NELL1: variants seen among roughly 807,000 people sequenced by gnomAD.
NELL1 encodes neural EGFL like 1, also known as protein kinase C-binding protein NELL1.
NELL1 carries 76 observed loss-of-function variants against 107.4 expected under a neutral mutation model. The observed-to-expected ratio is 0.71, with a 90% CI of 0.59 to 0.86. The LOEUF is 0.86. Among genes scored for constraint, NELL1 ranks in the 40% least tolerant of loss-of-function variants. NELL1 has a pLI of 0.00. For synonymous variants in NELL1, 353 were observed against 341.2 expected, an observed-to-expected ratio of 1.03 and a Z score of -0.38; for missense variants, 1,024 against 1,005.5, an observed-to-expected ratio of 1.02 and a Z score of -0.25.
intron 15 of NELL1, among the ~76,000 whole-genome samples, chr11:21,531,960 C>T (rs1322043487): frequency 6.6e-6 from 1 of 152,110 alleles, no homozygotes; most frequent in Non-Finnish European, 1.5e-5. Flanking sequence ...CAGAAGAAAG[C>T]CAGTGTTAGG....
chr11:21,519,161 G>A (rs117525346), intron 15 of NELL1, among the ~76,000 whole-genome samples: 1 of 152,186 alleles, frequency 6.6e-6, no homozygotes, highest in African/African-American at 2.4e-5. Flanking sequence ...CAACCCCACT[G>A]CCACTCCATC....
intron 12 of NELL1, among the ~76,000 whole-genome samples, chr11:21,036,241 A>G (rs1853090004): frequency 6.6e-6 from 1 of 152,190 alleles, no homozygotes; most frequent in African/African-American, 2.4e-5. Context: ...AAGATGACAT[A>G]AACAAATGGA....
At chr11:20,783,342 G>A (rs1024501010) in intron 2 of NELL1, among the ~76,000 whole-genome samples, 9 of 152,122 alleles carry the variant, frequency 5.9e-5, no homozygotes, top group East Asian at 3.9e-4. Flanking sequence ...ATTGCTCAGC[G>A]TCCCGTCAAA....
intron 13 of NELL1, among the ~76,000 whole-genome samples, chr11:21,204,716 C>T (rs904965409): frequency 3.3e-5 from 5 of 151,926 alleles, no homozygotes; most frequent in Non-Finnish European, 7.4e-5. Context: ...AATTTTCAGT[C>T]TTTTTACGCT....
chr11:21,516,736 C>T (rs1247628245), intron 15 of NELL1, among the ~76,000 whole-genome samples: 1 of 143,584 alleles, frequency 7.0e-6, no homozygotes, highest in African/African-American at 2.7e-5. Context: ...CACACACACA[C>T]ACATACACAC....
At chr11:21,456,297 T>C (rs1422452645) in intron 15 of NELL1, among the ~76,000 whole-genome samples, 1 of 152,090 alleles carries the variant, frequency 6.6e-6, no homozygotes, top group Non-Finnish European at 1.5e-5. Context: ...TTCATTGTGG[T>C]CAGATTCTAT....
intron 15 of NELL1, among the ~76,000 whole-genome samples, chr11:21,533,975 T>TTTG (rs1564945846): frequency 1.3e-5 from 2 of 152,180 alleles, no homozygotes; most frequent in Non-Finnish European, 2.9e-5. Context: ...CCTGAACTTA[T>TTTG]TTGTTCATAA....
intron 15 of NELL1, among the ~76,000 whole-genome samples, chr11:21,497,445 C>G (rs1325494707): frequency 6.6e-6 from 1 of 152,060 alleles, no homozygotes; most frequent in South Asian, 2.1e-4. Flanking sequence ...TTTTGTTTGA[C>G]TCTCTTATGA....
At chr11:21,514,701 G>T (rs1232813648) in intron 15 of NELL1, among the ~76,000 whole-genome samples, 1 of 143,090 alleles carries the variant, frequency 7.0e-6, no homozygotes, top group African/African-American at 3.0e-5. Flanking sequence ...GCTGTTTCTG[G>T]CCAGGGGGCA....
At chr11:21,318,387 G>C (rs1221198985) in intron 14 of NELL1, among the ~76,000 whole-genome samples, 1 of 152,138 alleles carries the variant, frequency 6.6e-6, no homozygotes, top group Non-Finnish European at 1.5e-5. Flanking sequence ...GTGTTTGAAG[G>C]ACACAGAATA....
chr11:20,851,277 G>A (rs1299368915), intron 4 of NELL1, among the ~76,000 whole-genome samples: 4 of 152,142 alleles, frequency 2.6e-5, no homozygotes, highest in East Asian at 3.9e-4. Context: ...AAAAGCAAAC[G>A]CTATTTTAGT....
At chr11:20,864,605 T>C (rs954982945) in intron 4 of NELL1, among the ~76,000 whole-genome samples, 6 of 152,178 alleles carry the variant, frequency 3.9e-5, no homozygotes, top group Admixed American at 2.6e-4. Flanking sequence ...CAGGGGTCAA[T>C]CTTGTTGGCC....
chr11:21,264,589 T>C (rs975841930), intron 14 of NELL1, among the ~76,000 whole-genome samples: 3 of 152,022 alleles, frequency 2.0e-5, no homozygotes, highest in Non-Finnish European at 2.9e-5. Context: ...TTTCTAGATC[T>C]TTTAGTTATT....
At chr11:20,990,439 C>G (rs1033821219) in intron 12 of NELL1, among the ~76,000 whole-genome samples, 1 of 152,234 alleles carries the variant, frequency 6.6e-6, no homozygotes, top group African/African-American at 2.4e-5. Context: ...AACATACATT[C>G]TTGACATGGC....
chr11:21,384,251 C>T (rs1437219384), intron 15 of NELL1, among the ~76,000 whole-genome samples: 1 of 151,818 alleles, frequency 6.6e-6, no homozygotes, highest in Non-Finnish European at 1.5e-5. Flanking sequence ...CATTCCTCTG[C>T]TTCACATTCT....
chr11:20,961,453 T>TGTCTTGC (rs1851289274), intron 12 of NELL1, among the ~76,000 whole-genome samples: 2 of 152,186 alleles, frequency 1.3e-5, no homozygotes, highest in African/African-American at 4.8e-5. Context: ...TCATTAATAA[T>TGTCTTGC]ACCTTGCACC....
intron 15 of NELL1, among the ~76,000 whole-genome samples, chr11:21,452,424 A>G (rs1853610905): frequency 6.6e-6 from 1 of 152,056 alleles, no homozygotes; most frequent in Non-Finnish European, 1.5e-5. Context: ...TTGTAGCTAT[A>G]TTCTTTCAAG....
At chr11:21,392,886 G>C (rs1216345326) in intron 15 of NELL1, among the ~76,000 whole-genome samples, 1 of 151,646 alleles carries the variant, frequency 6.6e-6, no homozygotes, top group Non-Finnish European at 1.5e-5. Context: ...AAGACCAATA[G>C]AGCATTATTT....
At chr11:21,259,655 C>G (rs988285342) in intron 14 of NELL1, among the ~76,000 whole-genome samples, 4 of 151,774 alleles carry the variant, frequency 2.6e-5, no homozygotes, top group African/African-American at 9.7e-5. Flanking sequence ...CATGCTTACA[C>G]TGGTGTTTTA....
Sources: allele counts gnomAD v4.1 joint callset (sites outside exome capture counted in the v4.1 genomes callset), GRCh38; gene constraint gnomAD v4.1.1; transcripts MANE v1.5; gene names NCBI Gene and HGNC (gene_info 2026-07-23, HGNC 2026-07-21).